SYN3: variants seen among roughly 807,000 people sequenced by gnomAD.
SYN3 encodes synapsin III.
In SYN3, 35 loss-of-function variants were observed where a neutral mutation model predicts 65.8. That is an observed-to-expected ratio of 0.53 (90% CI 0.41 to 0.70). The LOEUF (loss-of-function observed/expected upper bound fraction) is 0.70. Ranked by LOEUF, SYN3 falls within the 30% of genes least tolerant of loss-of-function variation. The pLI is 0.00. For missense variants in SYN3, 680 were observed against 749.0 expected, an observed-to-expected ratio of 0.91 and a Z score of 1.08; for synonymous variants, 270 against 292.9, an observed-to-expected ratio of 0.92 and a Z score of 0.80.
chr22:32,726,545 G>T (rs190964386), intron 6 of SYN3, among the ~76,000 whole-genome samples: 133 of 152,340 alleles, frequency 8.7e-4, no homozygotes, highest in African/African-American at 3.1e-3. Context: ...TCTGGCTGTT[G>T]ATGACAACAG....
At chr22:32,779,810 C>T (rs1302320823) in intron 6 of SYN3, among the ~76,000 whole-genome samples, 1 of 152,112 alleles carries the variant, frequency 6.6e-6, no homozygotes, top group African/African-American at 2.4e-5. Flanking sequence ...GACTCCTCCA[C>T]GCTTTAGTAC....
At chr22:32,702,342 G>C (rs935371189) in intron 6 of SYN3, among the ~76,000 whole-genome samples, 12 of 152,144 alleles carry the variant, frequency 7.9e-5, no homozygotes, top group African/African-American at 2.7e-4. Context: ...GCCGGGCGTG[G>C]TGGCGGGTGC....
At chr22:32,721,645 A>AT (rs2061119949) in intron 6 of SYN3, among the ~76,000 whole-genome samples, 1 of 152,202 alleles carries the variant, frequency 6.6e-6, no homozygotes, top group Non-Finnish European at 1.5e-5. Context: ...TATGTGCCAG[A>AT]TTCCCCCCAG....
chr22:32,844,560 C>A (rs141090463), intron 6 of SYN3, among the ~76,000 whole-genome samples: 1 of 152,114 alleles, frequency 6.6e-6, no homozygotes, highest in Non-Finnish European at 1.5e-5. Flanking sequence ...GCTTCTCAGG[C>A]GCATGATATA....
At chr22:32,759,312 G>A (rs2045385452) in intron 6 of SYN3, among the ~76,000 whole-genome samples, 1 of 152,102 alleles carries the variant, frequency 6.6e-6, no homozygotes, top group African/African-American at 2.4e-5. Flanking sequence ...TTCCCTCTTG[G>A]TAAATGGATG....
chr22:32,851,664 A>AT lies in SYN3; in HGVS notation c.711+13250dup, dbSNP rs200153918. On this transcript the variant is annotated intron_variant, in intron 6 of 13. Transcript: ENST00000358763. Reference sequence around the variant, plus strand: ...GGAAATGACTTACTCAGAGTCAAGCATTTAACTAAGGGCAGATCTGATCCC... The same window carrying AT: ...GGAAATGACTTACTCAGAGTCAAGCATTTTAACTAAGGGCAGATCTGATCCC... Among the ~76,000 whole-genome samples the AT allele has an allele frequency of 6.0e-3, 917 of 152,304 alleles. 7 individuals carry two copies. Among genetic ancestry groups the AT allele is most frequent in the African/African-American group, 0.021 (865 of 41,578 alleles).
At position 33,027,885 on chromosome 22, in the gene SYN3, G is replaced by A. The variant is rs116125543; in HGVS notation, c.-162-21061C>T. ...GAAGAGACAAAGAGCTGAGCAAAGAGAGGTGAGTTTTATTGAACGTTGGTT... is the reference window on the plus strand; with the variant it reads ...GAAGAGACAAAGAGCTGAGCAAAGAAAGGTGAGTTTTATTGAACGTTGGTT... On this transcript the variant is annotated intron_variant, in intron 1 of 13. Coordinates refer to ENST00000358763, the MANE Select transcript of SYN3 (RefSeq NM_003490.4). Among the ~76,000 whole-genome samples the A allele has an allele frequency of 6.6e-3, 1,002 of 152,344 alleles. 8 individuals are homozygous for A. Among genetic ancestry groups the A allele is most frequent in the African/African-American group, 0.023 (954 of 41,572 alleles).
chr22:32,980,884 C>T (rs2052352676), intron 2 of SYN3, among the ~76,000 whole-genome samples, 182 bp from the exon 3 acceptor site: 1 of 151,154 alleles, frequency 6.6e-6, no homozygotes. Flanking sequence ...GACGGAGTTT[C>T]ACTCTTGTTG....
At chr22:32,840,444 G>A (rs919471246) in intron 6 of SYN3, among the ~76,000 whole-genome samples, 3 of 152,062 alleles carry the variant, frequency 2.0e-5, no homozygotes, top group African/African-American at 7.2e-5. Context: ...AAGCCTATTT[G>A]TGGGACTTCT....
chr22:32,569,557 C>A (rs369212459), intron 7 of SYN3, among the ~76,000 whole-genome samples: 1,408 of 76,488 alleles, frequency 0.018, 35 homozygotes, highest in African/African-American at 0.057. Flanking sequence ...CTCTCTCTCT[C>A]TCTCTCTCTC....
At chr22:32,968,513 G>A (rs767298985) in intron 3 of SYN3, among the ~76,000 whole-genome samples, 5 of 152,154 alleles carry the variant, frequency 3.3e-5, no homozygotes, top group Non-Finnish European at 5.9e-5. Context: ...TTAGTTGCAT[G>A]CCTTGCACTA....
chr22:32,820,259 T>TGC (rs937542859), intron 6 of SYN3, among the ~76,000 whole-genome samples: 1 of 149,040 alleles, frequency 6.7e-6, no homozygotes, highest in African/African-American at 2.5e-5. Flanking sequence ...TGTGTGTGTG[T>TGC]GTGCGTGCGC....
At chr22:32,545,275 G>T (rs1236283185) in intron 7 of SYN3, among the ~76,000 whole-genome samples, 1 of 152,220 alleles carries the variant, frequency 6.6e-6, no homozygotes, top group Non-Finnish European at 1.5e-5. Context: ...AGCAGAGAAA[G>T]AAAGTCCTAG....
rs146776039 is a variant in SYN3, at chr22:32,608,679, G to T, written c.712-11943C>A. Among the ~76,000 whole-genome samples, 425 of 152,286 alleles carry T rather than the reference G, an allele frequency of 2.8e-3. 1 individual carries two copies. Among genetic ancestry groups the T allele is most frequent in the Non-Finnish European group, 4.8e-3 (327 of 68,018 alleles). On this transcript the variant is annotated intron_variant, in intron 6 of 13. Transcript: ENST00000358763. ...AGGCTTTGAAGCCAGGCAGACTTGC[G>T]TTTAAATATCATTAGCATCAGTTCC...
chr22:32,567,514 T>C (rs1305284184), intron 7 of SYN3, among the ~76,000 whole-genome samples: 2 of 152,086 alleles, frequency 1.3e-5, no homozygotes, highest in African/African-American at 2.4e-5. Context: ...AAATTCTCAA[T>C]TGGTCCTTAA....
intron 10 of SYN3, among the ~76,000 whole-genome samples, chr22:32,532,336 C>T (rs1198950693): frequency 2.0e-5 from 3 of 152,296 alleles, no homozygotes; most frequent in African/African-American, 7.2e-5. Flanking sequence ...CACCTCTGGG[C>T]TGAAGCTCCC....
intron 3 of SYN3, among the ~76,000 whole-genome samples, chr22:32,966,786 C>T (rs936527111): frequency 7.2e-5 from 11 of 152,052 alleles, no homozygotes; most frequent in South Asian, 4.1e-4. Context: ...TGTTGTGGTG[C>T]GCACCTGTCA....
chr22:32,811,670 C>T (rs985173894), intron 6 of SYN3, among the ~76,000 whole-genome samples: 5 of 152,100 alleles, frequency 3.3e-5, no homozygotes, highest in South Asian at 4.1e-4. Context: ...AACTTCGCAA[C>T]GAGGAAAGCA....
intron 7 of SYN3, among the ~76,000 whole-genome samples, chr22:32,569,565 C>CTA (rs1190028295): frequency 0.012 from 666 of 56,260 alleles, no homozygotes; most frequent in African/African-American, 0.02. Context: ...CTCTCTCTCT[C>CTA]TCTCTCTATA....
Sources: allele counts gnomAD v4.1 joint callset (sites outside exome capture counted in the v4.1 genomes callset), GRCh38; gene constraint gnomAD v4.1.1; transcripts MANE v1.5; gene names NCBI Gene and HGNC (gene_info 2026-07-23, HGNC 2026-07-21).